Variants in MAD1L1 observed in about 807,000 individuals in gnomAD.
MAD1L1 encodes the protein mitotic arrest deficient 1 like 1.
Under a neutral mutation model 96.9 loss-of-function variants are expected in MAD1L1, and 95 were observed. The ratio of observed to expected loss-of-function variants is 0.98; its 90% CI spans 0.83 to 1.16. The LOEUF (loss-of-function observed/expected upper bound fraction) is 1.16, where lower values mean the gene tolerates loss of function less well. Ranked by LOEUF, MAD1L1 falls within the 50% of genes most tolerant of loss-of-function variation. The pLI is 0.00. For synonymous variants in MAD1L1, 473 were observed against 396.6 expected (o/e 1.19, Z -2.29); for missense variants, 1,007 against 954.4 (o/e 1.06, Z -0.73).
chr7:1,956,455 T>C (rs960517441), intron 16 of MAD1L1, among the ~76,000 whole-genome samples: 6 of 152,080 alleles, frequency 3.9e-5, no homozygotes, highest in African/African-American at 1.4e-4. Flanking sequence ...GGTCACCATA[T>C]CACGGCATAA....
At chr7:1,846,472 A>AG (rs1259329161) in intron 18 of MAD1L1, 1 of 153,144 alleles carries the variant, frequency 6.5e-6, no homozygotes, top group Non-Finnish European at 1.5e-5. Flanking sequence ...TGAGATGCCA[A>AG]GGGTCACTCG....
At chr7:2,112,967 C>T (rs1787457952) in intron 11 of MAD1L1, among the ~76,000 whole-genome samples, 1 of 152,180 alleles carries the variant, frequency 6.6e-6, no homozygotes, top group African/African-American at 2.4e-5. Flanking sequence ...GTGAATGAAC[C>T]GAATCCGCAG....
intron 18 of MAD1L1, among the ~76,000 whole-genome samples, chr7:1,894,972 G>A (rs1047469661): frequency 3.3e-5 from 5 of 152,138 alleles, no homozygotes; most frequent in East Asian, 1.9e-4. Context: ...AAGGGACAAC[G>A]AACCCAACAG....
chr7:1,862,420 G>A (rs1013672918), intron 18 of MAD1L1, among the ~76,000 whole-genome samples: 102 of 152,370 alleles, frequency 6.7e-4, no homozygotes, highest in African/African-American at 2.3e-3. Context: ...ATGAAGTCTG[G>A]TGGGGACCCC....
intron 10 of MAD1L1, among the ~76,000 whole-genome samples, chr7:2,207,824 T>C (rs1584549995): frequency 6.6e-6 from 1 of 151,962 alleles, no homozygotes; most frequent in East Asian, 1.9e-4. Flanking sequence ...AACCGTAAAA[T>C]GAAGCAGAGA....
intron 10 of MAD1L1, among the ~76,000 whole-genome samples, chr7:2,208,139 A>C (rs1248776101): frequency 6.6e-6 from 1 of 152,168 alleles, no homozygotes; most frequent in Non-Finnish European, 1.5e-5. Context: ...TACAAATCTT[A>C]CACAGATTTT....
At chr7:1,877,378 G>A (rs1331669413) in intron 18 of MAD1L1, among the ~76,000 whole-genome samples, 1 of 151,610 alleles carries the variant, frequency 6.6e-6, no homozygotes, top group Non-Finnish European at 1.5e-5. Flanking sequence ...ACTGACCCTT[G>A]CCCTAGAGCA....
intron 18 of MAD1L1, among the ~76,000 whole-genome samples, chr7:1,839,291 C>G (rs569361601): frequency 6.6e-6 from 1 of 152,242 alleles, no homozygotes; most frequent in East Asian, 1.9e-4. Context: ...AGGACAGACA[C>G]TCGGGGTCCC....
At chr7:1,934,924 G>A (rs572404785) in intron 17 of MAD1L1, among the ~76,000 whole-genome samples, 2 of 151,258 alleles carry the variant, frequency 1.3e-5, no homozygotes, top group African/African-American at 4.9e-5. Context: ...GGGACAAACA[G>A]ACGGGTGAAC....
At chr7:1,979,131 C>G (rs1490876351) in intron 15 of MAD1L1, among the ~76,000 whole-genome samples, 1 of 152,204 alleles carries the variant, frequency 6.6e-6, no homozygotes, top group African/African-American at 2.4e-5. Flanking sequence ...AACTGGAACC[C>G]CAGGGAGTGG....
intron 11 of MAD1L1, among the ~76,000 whole-genome samples, chr7:2,078,558 G>T (rs1785489508): frequency 6.6e-6 from 1 of 152,254 alleles, no homozygotes; most frequent in Admixed American, 6.5e-5. Context: ...GACTGAAGAA[G>T]AAAGCAGAGG....
At chr7:2,014,444 G>A in intron 13 of MAD1L1, 58 bp downstream of exon 13, 2 of 1,507,072 alleles carry the variant, frequency 1.3e-6, no homozygotes, top group East Asian at 2.4e-5. Context: ...GCTCTGCCAA[G>A]GCCCACCGGG....
intron 15 of MAD1L1, among the ~76,000 whole-genome samples, chr7:1,979,793 C>A (rs970540825): frequency 6.6e-6 from 1 of 152,166 alleles, no homozygotes; most frequent in African/African-American, 2.4e-5. Context: ...CTGAGCCACA[C>A]TCCCGTGCAG....
chr7:2,079,453 C>T (rs1009115448), intron 11 of MAD1L1, among the ~76,000 whole-genome samples: 7 of 152,216 alleles, frequency 4.6e-5, no homozygotes, highest in African/African-American at 4.8e-5. Flanking sequence ...GCCAGGGGAG[C>T]AGGCTCTGAA....
chr7:1,890,887 G>A (rs1025617162), intron 18 of MAD1L1, among the ~76,000 whole-genome samples: 1 of 152,344 alleles, frequency 6.6e-6, no homozygotes, highest in East Asian at 1.9e-4. Flanking sequence ...CTGGGGAGGT[G>A]CACAGCCTTC....
intron 17 of MAD1L1, among the ~76,000 whole-genome samples, chr7:1,908,708 C>T (rs548354988): frequency 1.3e-5 from 2 of 152,320 alleles, no homozygotes; most frequent in East Asian, 3.9e-4. Flanking sequence ...GTGCTCAGCA[C>T]TGCTGTGGAG....
Position 1,832,630 on chromosome 7 carries a change from T to TTGGCGG in MAD1L1, c.1999-16403_1999-16402insCCGCCA, listed in dbSNP as rs56664541. 3.8e-3 allele frequency among the ~76,000 whole-genome samples: 9 copies of TTGGCGG among 2,350 alleles called. 3 individuals carry two copies. The highest frequency in any genetic ancestry group is 0.016 in the African/African-American group (9 of 570). 1.5% of individuals were successfully genotyped at this position (2,350 alleles called of 152,430 possible). ...CTTCATTGCTGTGTTTTTTTTTTTTTGGCGGGGGGGGGGGGGGTGGGGATG... is the reference window on the plus strand; with the variant it reads ...CTTCATTGCTGTGTTTTTTTTTTTTTTGGCGGGGCGGGGGGGGGGGGGGTGGGGATG... On this transcript the variant is annotated intron_variant, in intron 18 of 18. Coordinates refer to ENST00000265854, the MANE Select transcript of MAD1L1 (RefSeq NM_001013836.2).
At chr7:1,886,523 T>C (rs1379313382) in intron 18 of MAD1L1, among the ~76,000 whole-genome samples, 1 of 152,088 alleles carries the variant, frequency 6.6e-6, no homozygotes, top group Non-Finnish European at 1.5e-5. Flanking sequence ...GGCGGCTGAG[T>C]GGGAGAGCAC....
chr7:1,844,842 C>A (rs1201735828), intron 18 of MAD1L1, among the ~76,000 whole-genome samples: 1 of 149,180 alleles, frequency 6.7e-6, no homozygotes, highest in African/African-American at 2.6e-5. Flanking sequence ...CACTCCAGCA[C>A]CTGAGCGTGT....
Sources: gnomAD v4.1 joint callset for allele counts (sites outside exome capture counted in the v4.1 genomes callset) on GRCh38, gnomAD v4.1.1 for gene constraint, MANE v1.5 for transcripts, NCBI Gene and HGNC (gene_info 2026-07-23, HGNC 2026-07-21) for gene names.